EIF4G3: variants seen among roughly 807,000 people sequenced by gnomAD.
EIF4G3 encodes eIF-4-gamma 3.
A neutral mutation model predicts 186.4 loss-of-function variants in EIF4G3; 34 were observed. That is an observed-to-expected ratio of 0.18 (90% confidence interval 0.14 to 0.24). EIF4G3 has a LOEUF of 0.24. Ranked by LOEUF, EIF4G3 falls within the 10% of genes least tolerant of loss-of-function variation. The probability of loss-of-function intolerance (pLI) is 1.00; values close to 1 mark genes in which losing one functional copy is unlikely to be tolerated. For missense variants in EIF4G3, 1,536 were observed against 1,948.5 expected, an observed-to-expected ratio of 0.79 and a Z score of 3.99; for synonymous variants, 673 against 679.5, an observed-to-expected ratio of 0.99 and a Z score of 0.15.
rs980975815 is a variant in EIF4G3, at chr1:21,075,500, C to T, written c.-196+13638G>A. 5.3e-5 allele frequency among the ~76,000 whole-genome samples: 7 copies of T among 131,192 alleles called. No individual in the cohort carries two copies. In the East Asian group the frequency reaches 1.1e-3, roughly 20 times the overall value. The allele number at this position is 131,192 out of a possible 152,430, so 86.1% of individuals were successfully genotyped here. On this transcript the variant is annotated intron_variant, in intron 3 of 36. Coordinates refer to ENST00000602326, the MANE Select transcript of EIF4G3 (RefSeq NM_001391906.1). ...AGGAGAATCACTGGAACCCGGGAGG[C>T]GGAGGTTGCAGCAAGCCGAGATTAT...
chr1:21,115,654 G>C (rs767487383), intron 2 of EIF4G3, among the ~76,000 whole-genome samples: 17 of 152,212 alleles, frequency 1.1e-4, no homozygotes, highest in Non-Finnish European at 2.2e-4. Flanking sequence ...ACTTCAGAGA[G>C]CTGATATACA....
chr1:20,889,726 G>C lies in EIF4G3; in HGVS notation c.2254-3355C>G, dbSNP rs572752584. 1.9e-4 allele frequency among the ~76,000 whole-genome samples: 29 copies of C among 152,178 alleles called. No individual in the cohort carries two copies. The East Asian group carries it at 1.9e-3, about 10-fold the overall frequency. ...AGGATGGTCTTGATCTCCTGGCCTTGCGATCCACCTGCCTCGGCCTCCCAA... is the reference window on the plus strand; with the variant it reads ...AGGATGGTCTTGATCTCCTGGCCTTCCGATCCACCTGCCTCGGCCTCCCAA... On this transcript the variant is annotated intron_variant, in intron 18 of 36. Transcript: ENST00000602326.
chr1:21,106,300 A>T (rs1395027845), intron 2 of EIF4G3, among the ~76,000 whole-genome samples: 1 of 152,130 alleles, frequency 6.6e-6, no homozygotes, highest in Non-Finnish European at 1.5e-5. Context: ...AAGAGAGGAA[A>T]GAAAAAAAGC....
chr1:20,926,932 G>A (rs976643203), intron 14 of EIF4G3, among the ~76,000 whole-genome samples: 1 of 151,916 alleles, frequency 6.6e-6, no homozygotes, highest in Non-Finnish European at 1.5e-5. Context: ...ATATCAATAT[G>A]CATAAAGTAC....
Position 20,865,007 on chromosome 1 carries a change from C to G in EIF4G3, c.2769+109G>C, listed in dbSNP as rs563193850. 5 of 1,273,426 alleles carry G rather than the reference C, an allele frequency of 3.9e-6. No individual in the cohort carries two copies. In the African/African-American group the frequency reaches 7.5e-5, roughly 19 times the overall value. The allele number at this position is 1,273,426 out of a possible 1,614,324, so 78.9% of individuals were successfully genotyped here. On this transcript the variant is annotated intron_variant, in intron 21 of 36. Coordinates refer to ENST00000602326, the MANE Select transcript of EIF4G3 (RefSeq NM_001391906.1). ...TTGTTTCTACATGGAAAAAAAAAGG[C>G]CATAGGTCCCTCTTAAGGTAGCAGG...
At chr1:20,916,716 A>G (rs1303678708) in intron 14 of EIF4G3, among the ~76,000 whole-genome samples, 1 of 152,222 alleles carries the variant, frequency 6.6e-6, no homozygotes. Flanking sequence ...ACTTATTACA[A>G]AGCTTCTTTA....
intron 14 of EIF4G3, among the ~76,000 whole-genome samples, chr1:20,940,790 T>C (rs1324672571): frequency 6.6e-6 from 1 of 152,214 alleles, no homozygotes; most frequent in Non-Finnish European, 1.5e-5. Flanking sequence ...AACTTTTGAT[T>C]AAACTTACAA....
chr1:20,853,688 C>T lies in EIF4G3; in HGVS notation c.3434-11G>A, dbSNP rs2305463. 887,971 of 1,586,196 alleles carry T rather than the reference C, an allele frequency of 0.56. 251,948 individuals carry two copies. Among genetic ancestry groups the T allele is most frequent in the East Asian group, 0.8 (35,636 of 44,672 alleles). On this transcript the variant is annotated splice_polypyrimidine_tract_variant and intron_variant, in intron 26 of 36. Coordinates refer to ENST00000602326, the MANE Select transcript of EIF4G3 (RefSeq NM_001391906.1). ...TTGACCGTAAGGCATCTACACATGT[C>T]GAGGATTTAGAAAAAAATACAAATC...
intron 2 of EIF4G3, among the ~76,000 whole-genome samples, chr1:21,172,078 G>C (rs1299346926): frequency 7.1e-6 from 1 of 140,520 alleles, no homozygotes; most frequent in South Asian, 2.3e-4. Context: ...TGAATTTTTA[G>C]CTTGTGTTTG....
At chr1:20,949,910 G>A in intron 13 of EIF4G3, 93 bp downstream of exon 13, 1 of 1,060,074 alleles carries the variant, frequency 9.4e-7, no homozygotes, top group Non-Finnish European at 1.4e-6. Flanking sequence ...AATAATCCTT[G>A]GATGCTGTAC....
At chr1:20,882,639 A>AC (rs397979504) in intron 19 of EIF4G3, among the ~76,000 whole-genome samples, 2 of 150,352 alleles carry the variant, frequency 1.3e-5, no homozygotes, top group Non-Finnish European at 3.0e-5. Context: ...ACAAAAAAAA[A>AC]CAAAAAAAAA....
chr1:20,856,140 G>T lies in EIF4G3; in HGVS notation c.3340-1069C>A, dbSNP rs573144119. On this transcript the variant is annotated intron_variant, in intron 25 of 36. Transcript: ENST00000602326. ...TACTCTGAGATATAAACAACTAGAA[G>T]AAAGTACCAGAATCTTGGAGAAAAG... Among the ~76,000 whole-genome samples the T allele has an allele frequency of 7.2e-5, 11 of 152,234 alleles. No individual in the cohort carries two copies. The South Asian group carries it at 2.3e-3, about 32-fold the overall frequency.
intron 12 of EIF4G3, among the ~76,000 whole-genome samples, chr1:20,966,607 G>A (rs763826467): frequency 6.6e-6 from 1 of 151,950 alleles, no homozygotes; most frequent in Non-Finnish European, 1.5e-5. Context: ...GAGTAGCTGG[G>A]ATTACAGGTG....
At chr1:21,158,713 G>T (rs2097704834) in intron 2 of EIF4G3, among the ~76,000 whole-genome samples, 1 of 150,856 alleles carries the variant, frequency 6.6e-6, no homozygotes, top group East Asian at 1.9e-4. Context: ...GTCCAACGGT[G>T]AGTATACACA....
chr1:20,866,245 G>T (rs896832407), intron 20 of EIF4G3, among the ~76,000 whole-genome samples: 1 of 152,164 alleles, frequency 6.6e-6, no homozygotes, highest in Non-Finnish European at 1.5e-5. Context: ...CACTTGGTCA[G>T]CTGTTGATCA....
chr1:21,113,871 C>G (rs934697974), intron 2 of EIF4G3, among the ~76,000 whole-genome samples: 2 of 152,122 alleles, frequency 1.3e-5, no homozygotes, highest in African/African-American at 2.4e-5. Context: ...AAAAAATTAG[C>G]TGGATGTGGT....
intron 13 of EIF4G3, among the ~76,000 whole-genome samples, chr1:20,944,016 G>GTC (rs2095836601): frequency 6.7e-6 from 1 of 149,576 alleles, no homozygotes; most frequent in Non-Finnish European, 1.5e-5. Context: ...GTGTGTGTGT[G>GTC]TGTGTGTGTG....
At chr1:21,032,123 G>A (rs901749660) in intron 4 of EIF4G3, among the ~76,000 whole-genome samples, 11 of 152,120 alleles carry the variant, frequency 7.2e-5, no homozygotes, top group African/African-American at 2.7e-4. Flanking sequence ...AACCTCCATG[G>A]ACTTCATCTT....
At chr1:20,998,727 G>T (rs2082841641) in intron 6 of EIF4G3, 1 of 247,512 alleles carries the variant, frequency 4.0e-6, no homozygotes, top group East Asian at 1.0e-4. Flanking sequence ...ATTAACCGGG[G>T]TATGTAGAGC....
Sources: allele counts gnomAD v4.1 joint callset (sites outside exome capture counted in the v4.1 genomes callset), GRCh38; gene constraint gnomAD v4.1.1; transcripts MANE v1.5; gene names NCBI Gene and HGNC (gene_info 2026-07-23, HGNC 2026-07-21).